The following SUGCT variants were observed in gnomAD, a reference collection of about 807,000 sequenced individuals.
SUGCT encodes the protein succinyl-CoA:glutarate CoA-transferase.
In SUGCT, 41 loss-of-function variants were observed where a neutral mutation model predicts 55.0. The ratio of observed to expected loss-of-function variants is 0.74; its 90% CI spans 0.58 to 0.97. SUGCT has a LOEUF of 0.97. SUGCT is among the 50% of genes least tolerant of loss of function. The pLI is 0.00. For missense variants in SUGCT, 568 were observed against 547.8 expected, an observed-to-expected ratio of 1.04 and a Z score of -0.37; for synonymous variants, 187 against 200.4, an observed-to-expected ratio of 0.93 and a Z score of 0.56.
chr7:40,350,328 AT>A (rs869237659), intron 9 of SUGCT, among the ~76,000 whole-genome samples: 1 of 91,466 alleles, frequency 1.1e-5, no homozygotes, highest in Non-Finnish European at 2.4e-5. Context: ...TTATTTATTT[AT>A]TTTTAAGAGA....
intron 12 of SUGCT, among the ~76,000 whole-genome samples, chr7:40,672,203 C>T (rs1423728625): frequency 6.6e-6 from 1 of 152,126 alleles, no homozygotes; most frequent in African/African-American, 2.4e-5. Context: ...CAAAATACAT[C>T]ACAAATTTTA....
the SUGCT span, among the ~76,000 whole-genome samples, chr7:40,918,590 T>G: frequency 6.6e-6 from 1 of 152,144 alleles, no homozygotes; most frequent in Non-Finnish European, 1.5e-5. Context: ...AGACATTACC[T>G]TCTATCAGAC....
intron 11 of SUGCT, among the ~76,000 whole-genome samples, chr7:40,483,000 A>G (rs1316769133): frequency 6.6e-6 from 1 of 152,204 alleles, no homozygotes; most frequent in Non-Finnish European, 1.5e-5. Context: ...GGGAGAAAAG[A>G]TAACTTTAAC....
the SUGCT span, among the ~76,000 whole-genome samples, chr7:40,902,596 G>T: frequency 7.4e-6 from 1 of 135,216 alleles, no homozygotes; most frequent in African/African-American, 3.0e-5. Flanking sequence ...AAAAAAAAGA[G>T]AAAAAAAAAC....
chr7:40,225,524 C>T (rs1319511036), intron 6 of SUGCT, among the ~76,000 whole-genome samples: 1 of 151,246 alleles, frequency 6.6e-6, no homozygotes, highest in African/African-American at 2.4e-5. Flanking sequence ...GCAACCTCTG[C>T]CTGCCGGGTA....
chr7:40,980,527 C>T, the SUGCT span, among the ~76,000 whole-genome samples: 14 of 152,172 alleles, frequency 9.2e-5, no homozygotes, highest in Admixed American at 7.9e-4. Flanking sequence ...CAGTTCATCC[C>T]GAGGAAAAAC....
intron 6 of SUGCT, among the ~76,000 whole-genome samples, chr7:40,200,743 TA>T (rs888237519): frequency 1.3e-5 from 2 of 150,574 alleles, no homozygotes; most frequent in Middle Eastern, 3.4e-3. Flanking sequence ...GAATGCAGAT[TA>T]AAAAAAAAGA....
At chr7:40,646,401 A>C (rs1241912006) in intron 12 of SUGCT, among the ~76,000 whole-genome samples, 3 of 152,150 alleles carry the variant, frequency 2.0e-5, no homozygotes, top group African/African-American at 7.2e-5. Flanking sequence ...CTTTGTTTAA[A>C]ACCCATCAAT....
chr7:40,711,300 A>G (rs541814013), intron 12 of SUGCT, among the ~76,000 whole-genome samples: 28 of 152,334 alleles, frequency 1.8e-4, no homozygotes, highest in African/African-American at 6.3e-4. Flanking sequence ...TCACAAGGTC[A>G]GGAATTCGAG....
At chr7:40,451,168 T>C (rs894568103) in intron 10 of SUGCT, among the ~76,000 whole-genome samples, 2 of 152,174 alleles carry the variant, frequency 1.3e-5, no homozygotes, top group African/African-American at 4.8e-5. Context: ...GCCAGTTCAT[T>C]GCTATAAACG....
intron 13 of SUGCT, among the ~76,000 whole-genome samples, chr7:40,802,140 G>C (rs1167260015): frequency 6.6e-6 from 1 of 152,168 alleles, no homozygotes; most frequent in Non-Finnish European, 1.5e-5. Context: ...GTAGACTATG[G>C]AATAGTCTCA....
At chr7:40,313,492 A>T (rs1376774474) in intron 8 of SUGCT, among the ~76,000 whole-genome samples, 1 of 152,176 alleles carries the variant, frequency 6.6e-6, no homozygotes, top group East Asian at 1.9e-4. Flanking sequence ...TTACTTTCAG[A>T]TTGGTAATAC....
At chr7:40,173,837 G>A (rs1344610624) in intron 1 of SUGCT, among the ~76,000 whole-genome samples, 1 of 148,022 alleles carries the variant, frequency 6.8e-6, no homozygotes, top group Non-Finnish European at 1.5e-5. Context: ...ATAATATATA[G>A]TATATCATAT....
chr7:40,408,676 G>A (rs762915323), intron 9 of SUGCT, among the ~76,000 whole-genome samples: 1 of 151,950 alleles, frequency 6.6e-6, no homozygotes. Flanking sequence ...ACATTTATGA[G>A]CTTTTTCTAA....
At chr7:40,628,587 C>T (rs1245148438) in intron 12 of SUGCT, among the ~76,000 whole-genome samples, 1 of 152,228 alleles carries the variant, frequency 6.6e-6, no homozygotes, top group East Asian at 1.9e-4. Flanking sequence ...CTTTTCTTAA[C>T]ACCAACAACT....
At chr7:40,827,260 G>C (rs1792361807) in intron 13 of SUGCT, among the ~76,000 whole-genome samples, 1 of 152,180 alleles carries the variant, frequency 6.6e-6, no homozygotes, top group South Asian at 2.1e-4. Context: ...AAGGATCAAA[G>C]GTGATAGGGT....
chr7:40,963,476 C>T, the SUGCT span, among the ~76,000 whole-genome samples: 3 of 152,312 alleles, frequency 2.0e-5, no homozygotes, highest in South Asian at 6.2e-4. Flanking sequence ...GAAATAATTA[C>T]ATCTGTAACC....
chr7:40,560,818 T>C (rs1179355701), intron 12 of SUGCT, among the ~76,000 whole-genome samples: 1 of 152,244 alleles, frequency 6.6e-6, no homozygotes, highest in Non-Finnish European at 1.5e-5. Flanking sequence ...GATTTTTAAA[T>C]TGACCTTGAT....
chr7:40,189,197 C>T (rs1270953573), intron 4 of SUGCT, among the ~76,000 whole-genome samples: 1 of 152,072 alleles, frequency 6.6e-6, no homozygotes, highest in African/African-American at 2.4e-5. Flanking sequence ...CAAACATTAG[C>T]TGGGCGTGGT....
Sources: gnomAD v4.1 joint callset for allele counts (sites outside exome capture counted in the v4.1 genomes callset) on GRCh38, gnomAD v4.1.1 for gene constraint, MANE v1.5 for transcripts, NCBI Gene and HGNC (gene_info 2026-07-23, HGNC 2026-07-21) for gene names.